Variants in CORO7 observed in about 807,000 individuals in gnomAD.
CORO7 encodes coronin 7.
Under a neutral mutation model 126.6 loss-of-function variants are expected in CORO7, and 107 were observed. The observed-to-expected ratio is 0.85, with a 90% CI of 0.72 to 0.99. The LOEUF (loss-of-function observed/expected upper bound fraction) is 0.99, where lower values mean the gene tolerates loss of function less well. Ranked by LOEUF, CORO7 falls within the 50% of genes least tolerant of loss-of-function variation. The probability of loss-of-function intolerance (pLI) is 0.00; values close to 1 mark genes in which losing one functional copy is unlikely to be tolerated. For synonymous variants in CORO7, 603 were observed against 536.8 expected, an observed-to-expected ratio of 1.12 and a Z score of -1.70; for missense variants, 1,314 against 1,255.8, an observed-to-expected ratio of 1.05 and a Z score of -0.70.
chr16:4,369,830 A>C (rs1322522900), intron 9 of CORO7, among the ~76,000 whole-genome samples: 3 of 151,698 alleles, frequency 2.0e-5, no homozygotes, highest in Non-Finnish European at 4.4e-5. Flanking sequence ...GTTAGTTAGG[A>C]TCCTTTGACC....
In CORO7 at chr16:4,355,379, G is replaced by A; in HGVS notation, c.2686-7C>T. ...CCACCATGGCATTCAGCAGCTGGGA[G>A]AGAGGGCAGAAGAAGGGTAGGTAAG... On this transcript the variant is annotated splice_region_variant and splice_polypyrimidine_tract_variant and intron_variant, in intron 26 of 27. Coordinates refer to ENST00000251166, the MANE Select transcript of CORO7 (RefSeq NM_024535.5). The A allele has an allele frequency of 6.2e-7, 1 of 1,607,184 alleles. No individual in the cohort carries two copies. The highest frequency in any genetic ancestry group is 1.1e-5 in the South Asian group (1 of 90,544).
chr16:4,364,913 C>T lies in CORO7; in HGVS notation c.906G>A (p.Gln302=), dbSNP rs748312851. 2.5e-6 allele frequency: 4 copies of T among 1,609,772 alleles called. No individual in the cohort carries two copies. Among genetic ancestry groups the T allele is most frequent in the South Asian group, 1.1e-5 (1 of 90,540 alleles). The change falls in exon 12 of 28, where the codon CAG becomes CAA. Residue 302 remains glutamine (Q), a synonymous_variant. Transcript: ENST00000251166. ...PQQPALSPVT[Q]CVLESVLRGA... ...CACGCAGCACGCTCTCCAGGACACA[C>T]TGGGTCACTGTTGAGGACACCATAG... is the stretch of plus-strand genomic sequence containing the variant.
intron 9 of CORO7, among the ~76,000 whole-genome samples, chr16:4,370,015 G>T (rs1036196088): frequency 3.3e-5 from 5 of 152,202 alleles, no homozygotes; most frequent in African/African-American, 1.2e-4. Flanking sequence ...TAAGGCCAGG[G>T]CACAGGATTG....
At chr16:4,378,007 C>T (rs1004147515) in intron 9 of CORO7, among the ~76,000 whole-genome samples, 10 of 152,200 alleles carry the variant, frequency 6.6e-5, no homozygotes, top group African/African-American at 2.4e-4. Context: ...CCTCTCCCTT[C>T]ACAACCTTGC....
At position 4,359,607 on chromosome 16, in the gene CORO7, T is replaced by A; in HGVS notation, c.2123A>T (p.Gln708Leu). The change falls in exon 22 of 28, where the codon CAG (glutamine) becomes CTG (leucine). Residue 708 changes from glutamine (Q) to leucine (L), a missense_variant. Physicochemically the swap from Gln to Leu is moderately radical, Grantham distance 113. Transcript: ENST00000251166. ...VSGFDSQSER[Q>L]LLLYEAEALA... ...GGCCTCAGCTTCATATAGGAGCAGC[T>A]GGCGCTCACTTTGGCTGCAAGGGGG... 6.2e-7 allele frequency: 1 copy of A among 1,600,632 alleles called. No individual in the cohort carries two copies. The highest frequency in any genetic ancestry group is 8.5e-7 in the Non-Finnish European group (1 of 1,171,382).
At chr16:4,409,178 C>T (rs1276151732) in intron 3 of CORO7, among the ~76,000 whole-genome samples, 1 of 152,164 alleles carries the variant, frequency 6.6e-6, no homozygotes, top group African/African-American at 2.4e-5. Flanking sequence ...GTCTGCCTCC[C>T]AACAGGGCTG....
intron 14 of CORO7, chr16:4,363,255 C>G (rs968087828): frequency 2.0e-5 from 3 of 151,168 alleles, no homozygotes; most frequent in African/African-American, 7.3e-5. Context: ...CATGGTGAAG[C>G]CTGACTCTAC....
intron 9 of CORO7, among the ~76,000 whole-genome samples, chr16:4,385,897 G>A (rs1386020537): frequency 2.6e-5 from 4 of 152,260 alleles, no homozygotes; most frequent in Non-Finnish European, 4.4e-5. Flanking sequence ...TAAAACAGAA[G>A]AACTCGAGGG....
Position 4,405,263 on chromosome 16 carries a change from G to A in CORO7, c.564+228C>T, listed in dbSNP as rs1016854082. 5.3e-5 allele frequency among the ~76,000 whole-genome samples: 8 copies of A among 152,364 alleles called. No individual in the cohort carries two copies. The East Asian group carries it at 7.7e-4, about 15-fold the overall frequency. On this transcript the variant is annotated intron_variant, in intron 6 of 27. Coordinates refer to ENST00000251166, the MANE Select transcript of CORO7 (RefSeq NM_024535.5). ...GTGGCGACATTAGGGCGCAAACCAG[G>A]GACCAGCGTGGGCTCTCATCTGACA...
At chr16:4,414,386 G>A (rs1049407504) in intron 1 of CORO7, 1 of 152,138 alleles carries the variant, frequency 6.6e-6, no homozygotes, top group Non-Finnish European at 1.5e-5. Context: ...CTGAAACTAA[G>A]ATCTGCAAGG....
chr16:4,403,689 C>T (rs2055894745), intron 6 of CORO7, among the ~76,000 whole-genome samples: 1 of 152,216 alleles, frequency 6.6e-6, no homozygotes, highest in African/African-American at 2.4e-5. Context: ...GGGCTGCTCA[C>T]TGTCCTTCCC....
At chr16:4,375,721 C>G (rs1272817802) in intron 9 of CORO7, among the ~76,000 whole-genome samples, 1 of 152,212 alleles carries the variant, frequency 6.6e-6, no homozygotes, top group African/African-American at 2.4e-5. Flanking sequence ...ATCTCCTGAC[C>G]TCGTGATCGT....
chr16:4,397,709 G>T (rs1836572947), intron 6 of CORO7, among the ~76,000 whole-genome samples: 1 of 151,982 alleles, frequency 6.6e-6, no homozygotes, highest in Admixed American at 6.6e-5. Context: ...TGCCTCCCGG[G>T]TTCAAGCGAT....
At chr16:4,386,906 G>T (rs2055211602) in intron 9 of CORO7, among the ~76,000 whole-genome samples, 1 of 152,204 alleles carries the variant, frequency 6.6e-6, no homozygotes, top group East Asian at 1.9e-4. Flanking sequence ...CTCCCCGGAA[G>T]ATCCCGCAGC....
intron 9 of CORO7, chr16:4,383,000 G>A (rs2055056203): frequency 1.5e-6 from 2 of 1,292,354 alleles, no homozygotes; most frequent in Admixed American, 3.1e-5. Flanking sequence ...CCAACCTCGG[G>A]GATGTGTGCA....
intron 2 of CORO7, chr16:4,413,071 C>A: frequency 2.2e-6 from 1 of 445,070 alleles, no homozygotes; most frequent in Non-Finnish European, 4.0e-6. Flanking sequence ...GCCCTCCTGG[C>A]CATGCTCTTG....
intron 6 of CORO7, among the ~76,000 whole-genome samples, chr16:4,403,023 C>T (rs1303942133): frequency 2.0e-5 from 3 of 149,660 alleles, no homozygotes; most frequent in African/African-American, 7.4e-5. Context: ...GGAGATGGGG[C>T]GGGGGTGGGG....
At chr16:4,373,777 G>A (rs1348552688) in intron 9 of CORO7, among the ~76,000 whole-genome samples, 2 of 152,140 alleles carry the variant, frequency 1.3e-5, no homozygotes, top group Non-Finnish European at 2.9e-5. Flanking sequence ...AAGAAAGCAG[G>A]GCCCTGCTGA....
chr16:4,412,234 A>G, intron 3 of CORO7, 122 bp downstream of exon 3: 1 of 1,041,120 alleles, frequency 9.6e-7, no homozygotes, highest in East Asian at 2.4e-5. Context: ...GAGTGCACAG[A>G]CAGGGCGACA....
Sources: gnomAD v4.1 joint callset for allele counts (sites outside exome capture counted in the v4.1 genomes callset) on GRCh38, gnomAD v4.1.1 for gene constraint, MANE v1.5 for transcripts, NCBI Gene and HGNC (gene_info 2026-07-23, HGNC 2026-07-21) for gene names.